The following OPN5 variants were observed in gnomAD, a reference collection of about 807,000 sequenced individuals.
The protein encoded by OPN5 is opsin-5.
OPN5 carries 18 observed loss-of-function variants against 41.7 expected under a neutral mutation model. That is an observed-to-expected ratio of 0.43 (90% CI 0.30 to 0.64). The LOEUF (loss-of-function observed/expected upper bound fraction) is 0.64. OPN5 is among the 30% of genes least tolerant of loss of function. The probability of loss-of-function intolerance (pLI) is 0.13; values close to 1 mark genes in which losing one functional copy is unlikely to be tolerated. For missense variants in OPN5, 318 were observed against 434.5 expected (o/e 0.73, Z 2.38); for synonymous variants, 178 against 164.3 (o/e 1.08, Z -0.64).
chr6:47,808,463 C>T (rs957693766), intron 5 of OPN5, 68 bp downstream of exon 5: 54 of 1,536,856 alleles, frequency 3.5e-5, no homozygotes, highest in Non-Finnish European at 4.6e-5. Flanking sequence ...GTTCAAGGTA[C>T]TCAGATGTGC....
chr6:47,789,129 T>G lies in OPN5; in HGVS notation c.250+2495T>G, dbSNP rs1433511609. 1.4e-4 allele frequency among the ~76,000 whole-genome samples: 21 copies of G among 152,144 alleles called. 1 individual carries two copies. The highest frequency in any genetic ancestry group is 1.4e-3 in the Admixed American group (21 of 15,270). ...CCATTCTGTCACTTTCACTTGTCTT[T>G]TTGCTGCCTTTAGCACCCACCTGGC... On this transcript the variant is annotated intron_variant, in intron 2 of 6. Coordinates refer to ENST00000371211, the Ensembl canonical transcript of OPN5.
intron 6 of OPN5, chr6:47,823,620 T>C: frequency 2.8e-6 from 1 of 353,756 alleles, no homozygotes; most frequent in Non-Finnish European, 5.2e-6. Flanking sequence ...TACAGGTGAG[T>C]AGGGAGAAGA....
At chr6:47,807,865 TA>T (rs1314129166) in intron 4 of OPN5, among the ~76,000 whole-genome samples, 3 of 151,492 alleles carry the variant, frequency 2.0e-5, no homozygotes, top group Non-Finnish European at 4.4e-5. Context: ...CATGGAGTCA[TA>T]ATCTGACAGC....
intron 1 of OPN5, among the ~76,000 whole-genome samples, chr6:47,785,994 G>A (rs768120549): frequency 1.3e-5 from 2 of 152,220 alleles, no homozygotes; most frequent in African/African-American, 2.4e-5. Flanking sequence ...TCTGGGAGAT[G>A]TCCATTTTCT....
chr6:47,786,118 AT>A (rs1162147463), intron 1 of OPN5, among the ~76,000 whole-genome samples: 1 of 152,182 alleles, frequency 6.6e-6, no homozygotes, highest in African/African-American at 2.4e-5. Context: ...CATCTTCAGA[AT>A]TTATCAAGAG....
intron 3 of OPN5, among the ~76,000 whole-genome samples, chr6:47,792,570 A>C (rs16876536): frequency 0.15 from 22,349 of 152,182 alleles, 1,753 homozygotes; most frequent in Middle Eastern, 0.17. Context: ...GTTTCCAGGG[A>C]CTAAATATAT....
At chr6:47,813,107 C>CAAAAAAAAAAAAAAAAA (rs748382327) in intron 6 of OPN5, among the ~76,000 whole-genome samples, 1 of 111,736 alleles carries the variant, frequency 8.9e-6, no homozygotes, top group African/African-American at 3.1e-5. Flanking sequence ...ACAACAACAA[C>CAAAAAAAAAAAAAAAAA]AACAACAAGC....
chr6:47,785,216 C>T (rs1270671913), intron 1 of OPN5, among the ~76,000 whole-genome samples: 1 of 152,170 alleles, frequency 6.6e-6, no homozygotes, highest in Non-Finnish European at 1.5e-5. Context: ...TATACTTTTT[C>T]AAGCCACGTT....
intron 6 of OPN5, among the ~76,000 whole-genome samples, chr6:47,817,627 AAT>A (rs1376285611): frequency 6.6e-6 from 1 of 152,134 alleles, no homozygotes; most frequent in Non-Finnish European, 1.5e-5. Context: ...CAGAATCTGT[AAT>A]TTAACAAGAT....
At chr6:47,817,387 C>T in intron 6 of OPN5, among the ~76,000 whole-genome samples, 1 of 152,184 alleles carries the variant, frequency 6.6e-6, no homozygotes, top group Non-Finnish European at 1.5e-5. Context: ...ATCAAGACCT[C>T]TAGTTCTGAC....
chr6:47,823,215 G>A (rs1039495554), intron 6 of OPN5, among the ~76,000 whole-genome samples: 1 of 152,154 alleles, frequency 6.6e-6, no homozygotes, highest in Non-Finnish European at 1.5e-5. Flanking sequence ...GTCAGGGGTT[G>A]GAGAGATAGT....
At chr6:47,808,785 C>T (rs1325673630) in intron 5 of OPN5, among the ~76,000 whole-genome samples, 1 of 152,070 alleles carries the variant, frequency 6.6e-6, no homozygotes, top group Non-Finnish European at 1.5e-5. Context: ...CACATCACTA[C>T]CACTAGCTAA....
intron 2 of OPN5, among the ~76,000 whole-genome samples, chr6:47,788,117 C>T (rs6927634): frequency 0.82 from 124,372 of 152,158 alleles, 50,985 homozygotes; most frequent in East Asian, 0.93. Context: ...TGAATGCACA[C>T]GCACATTAAG....
exon 4 of OPN5, chr6:47,795,415 T>C: frequency 1.9e-6 from 3 of 1,614,118 alleles, no homozygotes; most frequent in Non-Finnish European, 2.5e-6. Context: ...ATCCTGAACA[T>C]CCTCTTCTTC....
intron 4 of OPN5, among the ~76,000 whole-genome samples, chr6:47,799,638 G>A (rs999972369): frequency 6.6e-6 from 1 of 152,180 alleles, no homozygotes; most frequent in Non-Finnish European, 1.5e-5. Flanking sequence ...GGTGCATCTT[G>A]GGTCTTGGCT....
intron 3 of OPN5, among the ~76,000 whole-genome samples, chr6:47,793,334 A>G (rs749982368): frequency 2.0e-5 from 3 of 152,158 alleles, no homozygotes; most frequent in South Asian, 2.1e-4. Context: ...TCATAACTCC[A>G]TATGTGGGAA....
chr6:47,783,057 TTAAATTTTTACTTTG>T (rs1357139849), intron 1 of OPN5, among the ~76,000 whole-genome samples: 2 of 152,066 alleles, frequency 1.3e-5, no homozygotes, highest in African/African-American at 4.8e-5. Context: ...AATTTATAAA[TTAAATTTTTACTTTG>T]TAAATTTTTA....
intron 4 of OPN5, among the ~76,000 whole-genome samples, chr6:47,800,687 A>G (rs1773738094): frequency 1.3e-5 from 2 of 152,170 alleles, no homozygotes; most frequent in Admixed American, 6.5e-5. Flanking sequence ...GCCTGTTATC[A>G]TTTAAACTTG....
In OPN5 at chr6:47,815,112, T is replaced by A. The variant is rs547787954; in HGVS notation, c.1056+3381T>A. On this transcript the variant is annotated intron_variant, in intron 6 of 6. Coordinates refer to ENST00000371211, the Ensembl canonical transcript of OPN5. ...TTGAAAAGTTGGATTTCAAGAATTA[T>A]CATAAAGTCTAAATATATTTTAAGT... 5.3e-5 allele frequency among the ~76,000 whole-genome samples: 8 copies of A among 152,260 alleles called. No individual in the cohort carries two copies. In the South Asian group the frequency reaches 1.0e-3, roughly 20 times the overall value.
Sources: allele counts gnomAD v4.1 joint callset (sites outside exome capture counted in the v4.1 genomes callset), GRCh38; gene constraint gnomAD v4.1.1; transcripts MANE v1.5; gene names NCBI Gene and HGNC (gene_info 2026-07-23, HGNC 2026-07-21).